The following COL4A2 variants were observed in gnomAD, a reference collection of about 807,000 sequenced individuals.
COL4A2 encodes the protein collagen type IV alpha 2 chain.
In COL4A2, 99 loss-of-function variants were observed where a neutral mutation model predicts 200.2. The observed-to-expected ratio is 0.49, with a 90% CI of 0.42 to 0.58. COL4A2 has a LOEUF of 0.58. Ranked by LOEUF, COL4A2 falls within the 20% of genes least tolerant of loss-of-function variation. The pLI, the probability that COL4A2 is intolerant of heterozygous loss-of-function variation, is 0.00. For synonymous variants in COL4A2, 897 were observed against 900.6 expected (o/e 1.00, Z 0.07); for missense variants, 1,950 against 2,314.1 (o/e 0.84, Z 3.23).
chr13:110,419,125 G>A (rs987040286), intron 4 of COL4A2, among the ~76,000 whole-genome samples: 7 of 152,314 alleles, frequency 4.6e-5, no homozygotes, highest in South Asian at 2.1e-4. Flanking sequence ...AACACACTGC[G>A]GAAGGGAGGG....
intron 4 of COL4A2, among the ~76,000 whole-genome samples, chr13:110,371,713 A>C (rs1045931447): frequency 1.3e-5 from 2 of 152,140 alleles, no homozygotes; most frequent in African/African-American, 4.8e-5. Flanking sequence ...GTGAGCATCG[A>C]TACTCCCTGC....
At chr13:110,385,418 G>GGCCGTGGTT (rs1878651954) in intron 4 of COL4A2, among the ~76,000 whole-genome samples, 2 of 99,028 alleles carry the variant, frequency 2.0e-5, no homozygotes, top group Admixed American at 9.6e-5. Context: ...TGTGTGGATA[G>GGCCGTGGTT]ACTGTGGTTA....
chr13:110,372,830 T>C lies in COL4A2; in HGVS notation c.180+15278T>C, dbSNP rs562072054. On this transcript the variant is annotated intron_variant, in intron 4 of 47. Coordinates refer to ENST00000360467, the MANE Select transcript of COL4A2 (RefSeq NM_001846.4). ...GTTTCCTATGCCTTTGGGCAGGTTT[T>C]GTTGTTTGTCTTTTGTTTGTGTGTC... Among the ~76,000 whole-genome samples the C allele has an allele frequency of 3.3e-5, 5 of 152,384 alleles. No individual in the cohort carries two copies. In the South Asian group the frequency reaches 1.0e-3, roughly 32 times the overall value.
At position 110,315,157 on chromosome 13, in the gene COL4A2, C is replaced by G. The variant is rs1031508812; in HGVS notation, c.99+7034C>G. Reference sequence around the variant, plus strand: ...CTGTCTGCACTCCAGGCCTTAGCCCCGGGGGGATAAGGATGGCCTGTCCCT... The same window carrying G: ...CTGTCTGCACTCCAGGCCTTAGCCCGGGGGGGATAAGGATGGCCTGTCCCT... On this transcript the variant is annotated intron_variant, in intron 3 of 47. Transcript: ENST00000360467. 2.0e-4 allele frequency among the ~76,000 whole-genome samples: 30 copies of G among 149,184 alleles called. No individual in the cohort carries two copies. The East Asian group carries it at 6.1e-3, about 30-fold the overall frequency.
rs1208672939 is a variant in COL4A2, at chr13:110,474,750, ACACT to A, written c.2425+1604_2425+1607del. ...GCACGTACCCACACACGTGCCGTGC[ACACT>A]CACACATCACACACGCACGTACCCA... On this transcript the variant is annotated intron_variant, in intron 29 of 47. Transcript: ENST00000360467. 3.0e-5 allele frequency among the ~76,000 whole-genome samples: 3 copies of A among 98,698 alleles called. 1 individual carries two copies. The highest frequency in any genetic ancestry group is 4.4e-5 in the African/African-American group (1 of 22,826). The allele number at this position is 98,698 out of a possible 152,430, so 64.7% of individuals were successfully genotyped here.
At chr13:110,367,896 T>C (rs533274865) in intron 4 of COL4A2, among the ~76,000 whole-genome samples, 1 of 152,298 alleles carries the variant, frequency 6.6e-6, no homozygotes, top group African/African-American at 2.4e-5. Flanking sequence ...GATTTTACTG[T>C]ACACGTTCAC....
intron 3 of COL4A2, among the ~76,000 whole-genome samples, chr13:110,350,469 C>A (rs1430459932): frequency 6.6e-6 from 1 of 152,136 alleles, no homozygotes; most frequent in Non-Finnish European, 1.5e-5. Context: ...TCAGAGCCGC[C>A]CCAGATGCAG....
rs562916936 is a variant in COL4A2 at position 110,412,797 on chromosome 13, G to A, written c.181-11937G>A. On this transcript the variant is annotated intron_variant, in intron 4 of 47. Coordinates refer to ENST00000360467, the MANE Select transcript of COL4A2 (RefSeq NM_001846.4). ...CAGAGCCCTTGCCTCATTTTCTAGC[G>A]CGATCCCAGCAGATGGTCTGATGTA... Among the ~76,000 whole-genome samples, 38 of 152,300 alleles carry A rather than the reference G, an allele frequency of 2.5e-4. No individual in the cohort carries two copies. In the South Asian group the frequency reaches 4.3e-3, roughly 17 times the overall value.
chr13:110,507,968 C>T lies in COL4A2; in HGVS notation c.4628C>T (p.Thr1543Ile), dbSNP rs372092879. The change falls in exon 47 of 48, where the codon ACC becomes ATC. Residue 1543 changes from threonine to isoleucine, a missense_variant. Thr to Ile is a moderately conservative substitution (Grantham distance 89). Transcript: ENST00000360467. The stretch of plus-strand genomic sequence containing the variant: ...GGCTCCTGCCTGGCGCGGTTCAGCA[C>T]CATGCCCTTCCTGTACTGCAACCCT... ...LAGSCLARFS[T>I]MPFLYCNPGD... 2.5e-6 allele frequency: 4 copies of T among 1,614,136 alleles called. No individual in the cohort carries two copies. The highest frequency in any genetic ancestry group is 1.3e-5 in the African/African-American group (1 of 75,070).
chr13:110,360,689 G>T (rs566057426), intron 4 of COL4A2, among the ~76,000 whole-genome samples: 1 of 152,224 alleles, frequency 6.6e-6, no homozygotes, highest in Non-Finnish European at 1.5e-5. Flanking sequence ...GGGCTTGGCT[G>T]TCCTCTAGTT....
At chr13:110,418,875 G>A (rs1445354260) in intron 4 of COL4A2, among the ~76,000 whole-genome samples, 1 of 152,092 alleles carries the variant, frequency 6.6e-6, no homozygotes, top group Non-Finnish European at 1.5e-5. Flanking sequence ...ATCTTGCCAG[G>A]GTAGTCTAAA....
chr13:110,374,615 G>T (rs533140981), intron 4 of COL4A2, among the ~76,000 whole-genome samples: 3 of 152,144 alleles, frequency 2.0e-5, no homozygotes, highest in African/African-American at 7.2e-5. Flanking sequence ...CTGGCAAATC[G>T]ATTTGGCTCT....
chr13:110,372,202 A>C (rs1286133401), intron 4 of COL4A2, among the ~76,000 whole-genome samples: 1 of 152,134 alleles, frequency 6.6e-6, no homozygotes, highest in East Asian at 1.9e-4. Context: ...TCCACTGTTG[A>C]GGTGGTTCCT....
chr13:110,366,774 T>C (rs1453615722), intron 4 of COL4A2, among the ~76,000 whole-genome samples: 1 of 152,240 alleles, frequency 6.6e-6, no homozygotes, highest in African/African-American at 2.4e-5. Context: ...TGTCTGTTAC[T>C]ATCATTGACA....
At chr13:110,439,953 G>A in intron 16 of COL4A2, 120 bp downstream of exon 16, 1 of 1,424,994 alleles carries the variant, frequency 7.0e-7, no homozygotes, top group Non-Finnish European at 9.4e-7. Context: ...ATTGAAAATG[G>A]TTCTTGTATT....
chr13:110,386,692 T>G (rs917417304), intron 4 of COL4A2, among the ~76,000 whole-genome samples: 1 of 152,184 alleles, frequency 6.6e-6, no homozygotes, highest in Admixed American at 6.5e-5. Flanking sequence ...TTTCTCCACT[T>G]TGGCCCACAA....
intron 4 of COL4A2, among the ~76,000 whole-genome samples, chr13:110,367,421 C>T (rs1013752363): frequency 3.3e-5 from 5 of 152,094 alleles, no homozygotes; most frequent in South Asian, 2.1e-4. Flanking sequence ...ATAAAGAAAC[C>T]GAAGGTTGGA....
intron 30 of COL4A2, among the ~76,000 whole-genome samples, chr13:110,478,386 G>A (rs1159309096): frequency 6.6e-6 from 1 of 152,242 alleles, no homozygotes; most frequent in African/African-American, 2.4e-5. Context: ...AGGATCTAGG[G>A]AAGGTCTCAT....
intron 3 of COL4A2, among the ~76,000 whole-genome samples, chr13:110,319,797 C>G (rs960736951): frequency 3.3e-5 from 5 of 152,228 alleles, no homozygotes; most frequent in African/African-American, 1.2e-4. Flanking sequence ...CCTAGCTGTT[C>G]CCGCCAGATT....
Sources: allele counts gnomAD v4.1 joint callset (sites outside exome capture counted in the v4.1 genomes callset), GRCh38; gene constraint gnomAD v4.1.1; transcripts MANE v1.5; gene names NCBI Gene and HGNC (gene_info 2026-07-23, HGNC 2026-07-21).